Variants in ABAT observed in about 807,000 individuals in gnomAD.
ABAT encodes 4-aminobutyrate aminotransferase, mitochondrial.
A neutral mutation model predicts 64.6 loss-of-function variants in ABAT; 45 were observed. That is an observed-to-expected ratio of 0.70 (90% CI 0.55 to 0.89). ABAT has a LOEUF of 0.89. Ranked by LOEUF, ABAT falls within the 40% of genes least tolerant of loss-of-function variation. The probability of loss-of-function intolerance (pLI) is 0.00; values close to 1 mark genes in which losing one functional copy is unlikely to be tolerated. For missense variants in ABAT, 633 were observed against 658.4 expected (o/e 0.96, Z 0.42); for synonymous variants, 297 against 250.5 (o/e 1.19, Z -1.75).
intron 5 of ABAT, among the ~76,000 whole-genome samples, chr16:8,751,345 C>T (rs550717698): frequency 1.3e-5 from 2 of 152,224 alleles, no homozygotes; most frequent in African/African-American, 4.8e-5. Flanking sequence ...ACCTTGGCCT[C>T]CCAAAGTGCT....
intron 11 of ABAT, among the ~76,000 whole-genome samples, chr16:8,770,317 T>G (rs1162731738): frequency 6.6e-6 from 1 of 152,198 alleles, no homozygotes; most frequent in African/African-American, 2.4e-5. Context: ...TTTTGTATTT[T>G]TAATAGAGAC....
intron 2 of ABAT, among the ~76,000 whole-genome samples, chr16:8,737,936 A>G (rs1411208482): frequency 1.9e-5 from 1 of 51,858 alleles, no homozygotes; most frequent in Non-Finnish European, 3.8e-5. Flanking sequence ...AAAAAAAAAG[A>G]AAGGAAAGGA....
chr16:8,754,702 C>G (rs1000630721), intron 5 of ABAT, among the ~76,000 whole-genome samples: 2 of 26,078 alleles, frequency 7.7e-5, no homozygotes, highest in Non-Finnish European at 2.0e-4. Context: ...TTCTTTCTTT[C>G]TTTCTTTCTT....
At chr16:8,727,136 G>A (rs946664771) in intron 1 of ABAT, among the ~76,000 whole-genome samples, 1 of 152,018 alleles carries the variant, frequency 6.6e-6, no homozygotes, top group African/African-American at 2.4e-5. Flanking sequence ...CTCTTGTTCT[G>A]TGGGTTGCCT....
chr16:8,751,130 G>A (rs2059468957), intron 5 of ABAT, among the ~76,000 whole-genome samples: 1 of 151,910 alleles, frequency 6.6e-6, no homozygotes, highest in South Asian at 2.1e-4. Context: ...TGCATTTTTA[G>A]TAGAGACGGG....
rs1051018555 is a variant in ABAT at position 8,781,554 on chromosome 16, G to T, written c.*124G>T. The T allele has an allele frequency of 2.0e-5, 28 of 1,414,894 alleles. No homozygotes were observed. In the South Asian group the frequency reaches 3.1e-4, roughly 16 times the overall value. 87.6% of individuals were successfully genotyped at this position (1,414,894 alleles called of 1,614,324 possible). On this transcript the variant is annotated 3_prime_UTR_variant, in exon 16 of 16. Coordinates refer to ENST00000268251, the MANE Select transcript of ABAT (RefSeq NM_020686.6). This position sits in a 1 kb window ranked among gnomAD's most constrained non-coding sequence, Gnocchi z 4.5. ...GAATGCACAGTGAAGGGTGATTTGT[G>T]GGGAGGGAGCATTTTTGGTGGTCTT...
chr16:8,719,327 C>T (rs190402319), intron 1 of ABAT, among the ~76,000 whole-genome samples: 1 of 152,206 alleles, frequency 6.6e-6, no homozygotes, highest in Non-Finnish European at 1.5e-5. Flanking sequence ...CTTGTAGGAT[C>T]AGAAATCCAA....
chr16:8,737,512 T>A (rs1039585256), intron 2 of ABAT: 52 of 151,872 alleles, frequency 3.4e-4, no homozygotes, highest in African/African-American at 8.7e-4. Context: ...TCTTATTTTT[T>A]AAAAATTTTA....
intron 9 of ABAT, 68 bp downstream of exon 9, chr16:8,766,338 G>A (rs1188300126): frequency 2.7e-6 from 4 of 1,493,268 alleles, no homozygotes; most frequent in African/African-American, 1.4e-5. Context: ...GGCTGTTGCT[G>A]GCTGGCTGGC....
At chr16:8,699,279 A>G (rs1039038986) in intron 1 of ABAT, among the ~76,000 whole-genome samples, 12 of 152,186 alleles carry the variant, frequency 7.9e-5, no homozygotes, top group African/African-American at 2.7e-4. Context: ...ACAAATGGCC[A>G]CTTGAGTAGT....
chr16:8,688,185 C>A (rs1203148935), intron 1 of ABAT, among the ~76,000 whole-genome samples: 1 of 152,102 alleles, frequency 6.6e-6, no homozygotes, highest in South Asian at 2.1e-4. Context: ...GCCACCGCAC[C>A]CGGCCAAAAG....
intron 14 of ABAT, among the ~76,000 whole-genome samples, chr16:8,777,313 T>C (rs904987025): frequency 1.3e-5 from 2 of 152,024 alleles, no homozygotes; most frequent in South Asian, 2.1e-4. Context: ...GTGCAACCTG[T>C]TGCATACTTA....
intron 1 of ABAT, among the ~76,000 whole-genome samples, chr16:8,694,452 C>G (rs116697269): frequency 6.6e-6 from 1 of 152,086 alleles, no homozygotes; most frequent in South Asian, 2.1e-4. Context: ...TGCAGTGGTG[C>G]AATCAATGGC....
At chr16:8,685,794 A>G (rs1242642365) in intron 1 of ABAT, among the ~76,000 whole-genome samples, 1 of 152,202 alleles carries the variant, frequency 6.6e-6, no homozygotes, top group Non-Finnish European at 1.5e-5. Context: ...GGCTGTAGGA[A>G]GAGTAGATCA....
chr16:8,779,659 T>G (rs2060375065), intron 15 of ABAT, 69 bp downstream of exon 15: 1 of 1,290,894 alleles, frequency 7.7e-7, no homozygotes, highest in Non-Finnish European at 1.1e-6. Flanking sequence ...TGCCACATGT[T>G]GCTAGGTACT....
At chr16:8,747,111 G>A (rs1297368717) in intron 3 of ABAT, among the ~76,000 whole-genome samples, 3 of 152,140 alleles carry the variant, frequency 2.0e-5, no homozygotes, top group South Asian at 2.1e-4. Flanking sequence ...GCATGGGTCC[G>A]CCATCACTGC....
At chr16:8,748,459 C>G (rs550075819) in intron 4 of ABAT, among the ~76,000 whole-genome samples, 5 of 152,220 alleles carry the variant, frequency 3.3e-5, no homozygotes, top group African/African-American at 1.2e-4. Context: ...AGCGTATGGT[C>G]TAGCCTGGAG....
chr16:8,688,479 A>G (rs1222743811), intron 1 of ABAT, among the ~76,000 whole-genome samples: 1 of 152,006 alleles, frequency 6.6e-6, no homozygotes, highest in Non-Finnish European at 1.5e-5. Flanking sequence ...GTATAGACTT[A>G]CTCTGTTTTT....
chr16:8,758,593 G>A (rs1473638078), intron 6 of ABAT, among the ~76,000 whole-genome samples: 1 of 152,028 alleles, frequency 6.6e-6, no homozygotes, highest in Non-Finnish European at 1.5e-5. Context: ...GTGGTGGGGG[G>A]CTGTCCTGTG....
Sources: gnomAD v4.1 joint callset for allele counts (sites outside exome capture counted in the v4.1 genomes callset) on GRCh38, gnomAD v4.1.1 for gene constraint, Gnocchi (gnomAD v3.1) non-coding constraint, MANE v1.5 for transcripts, NCBI Gene and HGNC (gene_info 2026-07-23, HGNC 2026-07-21) for gene names.